RBMS3: variants seen among roughly 807,000 people sequenced by gnomAD.
RBMS3 encodes the protein RNA-binding motif, single-stranded-interacting protein 3.
RBMS3 carries 27 observed loss-of-function variants against 66.8 expected under a neutral mutation model. That is an observed-to-expected ratio of 0.40 (90% confidence interval 0.30 to 0.56). RBMS3 has a LOEUF of 0.56. Among genes scored for constraint, RBMS3 ranks in the 20% least tolerant of loss-of-function variants. The pLI is 0.40. For missense variants in RBMS3, 513 were observed against 549.5 expected, an observed-to-expected ratio of 0.93 and a Z score of 0.66; for synonymous variants, 188 against 183.0, an observed-to-expected ratio of 1.03 and a Z score of -0.22.
At chr3:29,592,645 A>T (rs1028150924) in intron 4 of RBMS3, among the ~76,000 whole-genome samples, 15 of 152,256 alleles carry the variant, frequency 9.9e-5, no homozygotes, top group African/African-American at 3.6e-4. Context: ...TGACCCAGTG[A>T]TCCCATTACT....
intron 4 of RBMS3, among the ~76,000 whole-genome samples, chr3:29,691,525 T>A (rs2052008092): frequency 6.6e-6 from 1 of 152,202 alleles, no homozygotes; most frequent in South Asian, 2.1e-4. Context: ...TAATAGCCAA[T>A]CATTTGTTTA....
At chr3:29,981,677 C>A (rs1161957376) in intron 12 of RBMS3, among the ~76,000 whole-genome samples, 2 of 152,002 alleles carry the variant, frequency 1.3e-5, no homozygotes, top group Non-Finnish European at 2.9e-5. Flanking sequence ...CTGCATCTAT[C>A]GAGATAATCA....
At chr3:29,676,292 G>A (rs1249710137) in intron 4 of RBMS3, among the ~76,000 whole-genome samples, 7 of 152,130 alleles carry the variant, frequency 4.6e-5, no homozygotes, top group Admixed American at 3.3e-4. Context: ...GGGGAAGGGG[G>A]GAAGGATAGC....
intron 4 of RBMS3, among the ~76,000 whole-genome samples, chr3:29,696,284 T>C (rs138600756): frequency 2.0e-4 from 30 of 152,276 alleles, no homozygotes; most frequent in African/African-American, 7.2e-4. Context: ...TTATAGTAGC[T>C]GATTATAATA....
At chr3:29,585,215 G>A (rs1031664299) in intron 3 of RBMS3, among the ~76,000 whole-genome samples, 1 of 152,118 alleles carries the variant, frequency 6.6e-6, no homozygotes, top group Non-Finnish European at 1.5e-5. Flanking sequence ...AAGGTACAAG[G>A]TGGTTCCCAT....
chr3:29,371,394 G>A (rs1157082493), intron 1 of RBMS3, among the ~76,000 whole-genome samples: 1 of 152,164 alleles, frequency 6.6e-6, no homozygotes, highest in Non-Finnish European at 1.5e-5. Context: ...GTACTTGATG[G>A]TCCAGACAAG....
chr3:29,377,951 A>G (rs2125616423), intron 1 of RBMS3, among the ~76,000 whole-genome samples: 1 of 152,340 alleles, frequency 6.6e-6, no homozygotes, highest in South Asian at 2.1e-4. Flanking sequence ...ATTTTTAATC[A>G]GCCTATGTAT....
intron 1 of RBMS3, among the ~76,000 whole-genome samples, chr3:29,296,642 C>T (rs1256974876): frequency 6.6e-6 from 1 of 151,714 alleles, no homozygotes; most frequent in East Asian, 1.9e-4. Flanking sequence ...GCTGGGATGA[C>T]ACAGAACTAT....
At chr3:29,625,704 A>AAGTAAG (rs1553633445) in intron 4 of RBMS3, among the ~76,000 whole-genome samples, 1,770 of 133,264 alleles carry the variant, frequency 0.013, 48 homozygotes, top group East Asian at 0.08. Flanking sequence ...ATTAAAGTAA[A>AAGTAAG]TAAATAAATA....
chr3:29,593,726 T>C (rs2149104828), intron 4 of RBMS3, among the ~76,000 whole-genome samples: 1 of 152,322 alleles, frequency 6.6e-6, no homozygotes, highest in Admixed American at 6.5e-5. Flanking sequence ...AATCTCTCAT[T>C]CTCCTACTTT....
intron 4 of RBMS3, among the ~76,000 whole-genome samples, chr3:29,630,987 C>A (rs1300423036): frequency 6.6e-6 from 1 of 151,854 alleles, no homozygotes; most frequent in South Asian, 2.1e-4. Flanking sequence ...TTTCTATTGC[C>A]CATTATTGGG....
At chr3:29,605,418 T>C (rs1329700776) in intron 4 of RBMS3, among the ~76,000 whole-genome samples, 2 of 151,880 alleles carry the variant, frequency 1.3e-5, no homozygotes, top group African/African-American at 4.8e-5. Flanking sequence ...TTTTCCAGAA[T>C]TTTAAATGAA....
rs542087479 is a variant in RBMS3, at chr3:29,450,931, A to C, written c.248+16016A>C. On this transcript the variant is annotated intron_variant, in intron 2 of 14. Transcript: ENST00000383767. ...CACACACACACACACACACACACAC[A>C]CCCCCCACACACACACATGGTGTCT... Among the ~76,000 whole-genome samples, 14 of 59,668 alleles carry C rather than the reference A, an allele frequency of 2.3e-4. No homozygotes were observed. The South Asian group carries it at 2.9e-3, about 12-fold the overall frequency. 39.1% of individuals were successfully genotyped at this position (59,668 alleles called of 152,430 possible).
At chr3:29,393,482 A>G (rs2039402973) in intron 1 of RBMS3, among the ~76,000 whole-genome samples, 1 of 152,174 alleles carries the variant, frequency 6.6e-6, no homozygotes, top group Admixed American at 6.5e-5. Context: ...AATCATCAGA[A>G]GGAGAAAATG....
At chr3:29,312,017 A>G (rs1463854208) in intron 1 of RBMS3, among the ~76,000 whole-genome samples, 1 of 151,818 alleles carries the variant, frequency 6.6e-6, no homozygotes, top group Non-Finnish European at 1.5e-5. Context: ...AAAGGGCTCT[A>G]TAATCAAGTC....
At chr3:29,720,266 C>G (rs2053586917) in intron 4 of RBMS3, among the ~76,000 whole-genome samples, 1 of 152,202 alleles carries the variant, frequency 6.6e-6, no homozygotes, top group African/African-American at 2.4e-5. Flanking sequence ...TTCATCAATC[C>G]TTTTTCTATG....
Position 29,648,466 on chromosome 3 carries a change from T to A in RBMS3, c.399+61261T>A, listed in dbSNP as rs548382083. 3.8e-4 allele frequency among the ~76,000 whole-genome samples: 57 copies of A among 151,790 alleles called. No homozygotes were observed. The South Asian group carries it at 5.0e-3, about 13-fold the overall frequency. ...TTTTGTATTTTTTGTAGAGACAGGG[T>A]TTTGCCATGTTGCCCAGGCTGGTCT... On this transcript the variant is annotated intron_variant, in intron 4 of 14. Transcript: ENST00000383767.
intron 4 of RBMS3, among the ~76,000 whole-genome samples, chr3:29,710,652 G>A (rs899266826): frequency 6.6e-6 from 1 of 152,140 alleles, no homozygotes; most frequent in African/African-American, 2.4e-5. Context: ...TTCAGAGACT[G>A]AAAACCATAA....
At chr3:29,643,722 G>A (rs2049811673) in intron 4 of RBMS3, among the ~76,000 whole-genome samples, 1 of 152,038 alleles carries the variant, frequency 6.6e-6, no homozygotes. Context: ...GTGATTTGAG[G>A]GAGGTTTCTA....
Sources: gnomAD v4.1 joint callset for allele counts (sites outside exome capture counted in the v4.1 genomes callset) on GRCh38, gnomAD v4.1.1 for gene constraint, MANE v1.5 for transcripts, NCBI Gene and HGNC (gene_info 2026-07-23, HGNC 2026-07-21) for gene names.